The following KIF21B variants were observed in gnomAD, a reference collection of about 807,000 sequenced individuals.
The protein encoded by KIF21B is kinesin family member 21B, also known as kinesin-like protein KIF21B.
A neutral mutation model predicts 192.9 loss-of-function variants in KIF21B; 85 were observed. That is an observed-to-expected ratio of 0.44 (90% confidence interval 0.37 to 0.53). The LOEUF (loss-of-function observed/expected upper bound fraction) is 0.53, where lower values mean the gene tolerates loss of function less well. Among genes scored for constraint, KIF21B ranks in the 20% least tolerant of loss-of-function variants. The probability of loss-of-function intolerance (pLI) is 0.00; values close to 1 mark genes in which losing one functional copy is unlikely to be tolerated. For missense variants in KIF21B, 1,716 were observed against 2,194.8 expected (o/e 0.78, Z 4.36); for synonymous variants, 832 against 884.6 (o/e 0.94, Z 1.05).
rs748292132 is a variant in KIF21B, at chr1:201,000,810, G to A, written c.1403-30C>T. The A allele has an allele frequency of 3.7e-6, 6 of 1,611,782 alleles. No individual in the cohort carries two copies. The highest frequency in any genetic ancestry group is 5.1e-6 in the Non-Finnish European group (6 of 1,178,096). ...AGTGGGACGGCGGGAAGAAGGGTGC[G>A]ATAAAGAAGATAAATAGGCCAGCGC... On this transcript the variant is annotated intron_variant, in intron 9 of 34. Transcript: ENST00000461742. The surrounding 1 kb of genome is among the most constrained non-coding windows in gnomAD (Gnocchi z 6.0).
intron 30 of KIF21B, among the ~76,000 whole-genome samples, chr1:200,978,250 T>G (rs1655689765): frequency 6.6e-6 from 1 of 152,092 alleles, no homozygotes; most frequent in Admixed American, 6.5e-5. Flanking sequence ...GGTTTCATCA[T>G]GTTGGTTAGG....
intron 3 of KIF21B, among the ~76,000 whole-genome samples, chr1:201,005,989 T>C (rs1571957229): frequency 6.6e-6 from 1 of 152,072 alleles, no homozygotes; most frequent in African/African-American, 2.4e-5. Flanking sequence ...GGGTCCCAGA[T>C]GTAGGAGATA....
rs1658586245 is a variant in KIF21B, at chr1:201,017,691, T to C, written c.41+5652A>G. Among the ~76,000 whole-genome samples the C allele has an allele frequency of 6.6e-6, 1 of 152,200 alleles. No individual in the cohort carries two copies. Among genetic ancestry groups the C allele is most frequent in the Admixed American group, 6.5e-5 (1 of 15,276 alleles). ...AAGCCTCTCCCCACCACACCGGCCC[T>C]GGCCCCCTGCCCACACTGCATGCAG... On this transcript the variant is annotated intron_variant, in intron 1 of 34. Coordinates refer to ENST00000461742, the MANE Select transcript of KIF21B (RefSeq NM_001252102.2). The surrounding 1 kb of genome is among the most constrained non-coding windows in gnomAD (Gnocchi z 4.1).
rs1264020945 is a variant in KIF21B, at chr1:201,007,029, CACAGACACAG to C, written c.448-1345_448-1336del. ...ACAGAGACACACAGACACACACACA[CACAGACACAG>C]AGACACATAGACACACACACACACA... is the stretch of plus-strand genomic sequence containing the variant. On this transcript the variant is annotated intron_variant, in intron 3 of 34. Coordinates refer to ENST00000461742, the MANE Select transcript of KIF21B (RefSeq NM_001252102.2). Among the ~76,000 whole-genome samples the C allele has an allele frequency of 7.8e-4, 114 of 146,956 alleles. 1 individual carries two copies. Among genetic ancestry groups the C allele is most frequent in the African/African-American group, 2.6e-3 (103 of 39,242 alleles).
rs926355325 is a variant in KIF21B, at chr1:200,973,224, G to C, written c.*297C>G. 1.4e-4 allele frequency: 49 copies of C among 353,116 alleles called. No individual in the cohort carries two copies. In the East Asian group the frequency reaches 2.2e-3, roughly 16 times the overall value. The allele number at this position is 353,116 out of a possible 1,614,324, so 21.9% of individuals were successfully genotyped here. ...CTGAGAAAGGGGCAGAGCCGGTTCA[G>C]CAGGAGACAATGTGGCCACGACTGC... On this transcript the variant is annotated 3_prime_UTR_variant, in exon 35 of 35. Coordinates refer to ENST00000461742, the MANE Select transcript of KIF21B (RefSeq NM_001252102.2).
intron 6 of KIF21B, 128 bp from the exon 7 acceptor site, chr1:201,004,583 T>C: frequency 8.9e-7 from 1 of 1,122,138 alleles, no homozygotes; most frequent in Non-Finnish European, 1.3e-6. Flanking sequence ...CTTGGGTGGG[T>C]TTATAGGCAC....
rs762439587 is a variant in KIF21B, at chr1:201,000,422, T to C, written c.1653A>G (p.Leu551=). ...TCCGCTGCCTGACCTCCTTCTTCTTTAGCCGCTCCAGGTCCTGCTTGGCCC... is the reference window on the plus strand; with the variant it reads ...TCCGCTGCCTGACCTCCTTCTTCTTCAGCCGCTCCAGGTCCTGCTTGGCCC... ...IRRAKQDLER[L]KKKEVRQRRK... Residue 551 remains leucine, a synonymous_variant, in exon 11 of 35, where the codon CTA becomes CTG. Coordinates refer to ENST00000461742, the MANE Select transcript of KIF21B (RefSeq NM_001252102.2). This position sits in a 1 kb window ranked among gnomAD's most constrained non-coding sequence, Gnocchi z 6.0. 19 of 1,563,892 alleles carry C rather than the reference T, an allele frequency of 1.2e-5. No individual in the cohort carries two copies. The East Asian group carries it at 2.5e-4, about 20-fold the overall frequency.
At chr1:201,015,895 T>C (rs1335551821) in intron 1 of KIF21B, among the ~76,000 whole-genome samples, 3 of 152,218 alleles carry the variant, frequency 2.0e-5, no homozygotes, top group African/African-American at 7.2e-5. Flanking sequence ...TGCAGACTTC[T>C]TTCTCAGAAA....
intron 21 of KIF21B, 106 bp downstream of exon 21, chr1:200,989,836 A>T: frequency 1.2e-6 from 1 of 823,636 alleles, no homozygotes; most frequent in Non-Finnish European, 2.0e-6. Context: ...CTAGCCTGTG[A>T]GTGACGCAGG....
At position 200,974,191 on chromosome 1, in the gene KIF21B, G is replaced by A. The variant is rs1374279272; in HGVS notation, c.4814+523C>T. 7 of 1,553,048 alleles carry A rather than the reference G, an allele frequency of 4.5e-6. No homozygotes were observed. In the African/African-American group the frequency reaches 5.5e-5, roughly 12 times the overall value. Reference sequence around the variant, plus strand: ...CGTAATTCCACAACTTTACCCGGCAGTCACTGTGTGGGGAGAGAGGCGAGG... The same window carrying A: ...CGTAATTCCACAACTTTACCCGGCAATCACTGTGTGGGGAGAGAGGCGAGG... On this transcript the variant is annotated intron_variant, in intron 34 of 34. Coordinates refer to ENST00000461742, the MANE Select transcript of KIF21B (RefSeq NM_001252102.2).
intron 34 of KIF21B, among the ~76,000 whole-genome samples, chr1:200,974,399 T>C (rs1442988518): frequency 1.3e-5 from 2 of 151,838 alleles, no homozygotes; most frequent in African/African-American, 4.8e-5. Context: ...AGGGCTGCTC[T>C]GTGCTCTGAG....
At chr1:201,014,508 C>A (rs1017128509) in intron 1 of KIF21B, among the ~76,000 whole-genome samples, 1 of 152,226 alleles carries the variant, frequency 6.6e-6, no homozygotes, top group Admixed American at 6.5e-5. Flanking sequence ...AGGGTACCGA[C>A]TGGGCACATC....
At chr1:201,016,001 G>T (rs1295251711) in intron 1 of KIF21B, among the ~76,000 whole-genome samples, 5 of 152,162 alleles carry the variant, frequency 3.3e-5, no homozygotes, top group Non-Finnish European at 5.9e-5. Context: ...TACTTTTTAA[G>T]AGCCTATGTG....
At chr1:201,008,728 C>G (rs990781564) in intron 3 of KIF21B, 41 bp downstream of exon 3, 4 of 1,535,800 alleles carry the variant, frequency 2.6e-6, no homozygotes, top group Non-Finnish European at 3.5e-6. Flanking sequence ...TCCTGTTGTC[C>G]ACCAAGCCTC....
At position 200,999,563 on chromosome 1, in the gene KIF21B, G is replaced by T; in HGVS notation, c.1768-97C>A. ...CACAATGCCTCAGGTGTGTCAGGAG[G>T]GTGGGGATTGGGGCAGGCCACAGCT... On this transcript the variant is annotated intron_variant, in intron 12 of 34. Coordinates refer to ENST00000461742, the MANE Select transcript of KIF21B (RefSeq NM_001252102.2). The surrounding 1 kb of genome is among the most constrained non-coding windows in gnomAD (Gnocchi z 4.7). The T allele has an allele frequency of 2.6e-6, 4 of 1,552,820 alleles. No homozygotes were observed. In the South Asian group the frequency reaches 3.7e-5, roughly 14 times the overall value.
At chr1:200,984,728 G>A (rs1656173891) in intron 27 of KIF21B, 131 bp downstream of exon 27, 2 of 585,248 alleles carry the variant, frequency 3.4e-6, no homozygotes, top group Non-Finnish European at 5.8e-6. Context: ...CAGGGCCTCA[G>A]CTCTTGGAGG....
intron 14 of KIF21B, among the ~76,000 whole-genome samples, chr1:200,996,666 C>T (rs538636691): frequency 1.3e-5 from 2 of 152,112 alleles, no homozygotes; most frequent in South Asian, 2.1e-4. Context: ...CAACTTCCCA[C>T]GAGGGTCCTG....
chr1:200,986,103 T>A (rs1436261276), intron 26 of KIF21B, among the ~76,000 whole-genome samples: 1 of 151,842 alleles, frequency 6.6e-6, no homozygotes, highest in African/African-American at 2.4e-5. Flanking sequence ...TGCCTCAGCC[T>A]CCCAAAGTGC....
Position 200,998,163 on chromosome 1 carries a change from C to T in KIF21B, c.2077+221G>A, listed in dbSNP as rs565933273. On this transcript the variant is annotated intron_variant, in intron 14 of 34. Coordinates refer to ENST00000461742, the MANE Select transcript of KIF21B (RefSeq NM_001252102.2). The surrounding 1 kb of genome is among the most constrained non-coding windows in gnomAD (Gnocchi z 4.3). ...GTATATAAAGAATTCTAATACATGA[C>T]GTGATAGCAAAGAAAAAAAATCAAT... Among the ~76,000 whole-genome samples the T allele has an allele frequency of 1.3e-5, 2 of 152,132 alleles. No individual in the cohort carries two copies. Among genetic ancestry groups the T allele is most frequent in the African/African-American group, 2.4e-5 (1 of 41,480 alleles).
Sources: gnomAD v4.1 joint callset for allele counts (sites outside exome capture counted in the v4.1 genomes callset) on GRCh38, gnomAD v4.1.1 for gene constraint, Gnocchi (gnomAD v3.1) non-coding constraint, MANE v1.5 for transcripts, NCBI Gene and HGNC (gene_info 2026-07-23, HGNC 2026-07-21) for gene names.